Variants in EYS observed in about 807,000 individuals in gnomAD.
EYS encodes EGF-like photoreceptor maintenance factor, also known as protein eyes shut homolog.
Under a neutral mutation model 282.1 loss-of-function variants are expected in EYS, and 250 were observed. The observed-to-expected ratio is 0.89, with a 90% CI of 0.80 to 0.98. EYS has a LOEUF of 0.98. Among genes scored for constraint, EYS ranks in the 50% least tolerant of loss-of-function variants. The probability of loss-of-function intolerance (pLI) is 0.00; values close to 1 mark genes in which losing one functional copy is unlikely to be tolerated. For synonymous variants in EYS, 1,355 were observed against 1,282.9 expected (o/e 1.06, Z -1.20); for missense variants, 4,016 against 3,709.0 (o/e 1.08, Z -2.15).
intron 23 of EYS, among the ~76,000 whole-genome samples, chr6:64,625,109 T>C (rs947065441): frequency 5.3e-5 from 8 of 152,196 alleles, no homozygotes; most frequent in African/African-American, 1.9e-4. Context: ...CAAGGAAATT[T>C]AGGCATTGAA....
intron 22 of EYS, among the ~76,000 whole-genome samples, chr6:64,724,916 ATCTTTTC>A (rs149468248): frequency 0.039 from 5,982 of 152,200 alleles, 400 homozygotes; most frequent in African/African-American, 0.14. Context: ...TAATCTCAAA[ATCTTTTC>A]TAGTATACCC....
intron 29 of EYS, among the ~76,000 whole-genome samples, chr6:64,330,755 G>T (rs887807404): frequency 6.6e-6 from 1 of 152,104 alleles, no homozygotes; most frequent in East Asian, 1.9e-4. Flanking sequence ...TGGAGCAGAG[G>T]GGGTATCGCT....
chr6:64,632,835 A>T (rs1418647193), intron 22 of EYS, among the ~76,000 whole-genome samples: 1 of 152,102 alleles, frequency 6.6e-6, no homozygotes, highest in Non-Finnish European at 1.5e-5. Context: ...TCATTTCAGT[A>T]TTTTTATTAC....
chr6:64,872,747 G>C (rs940757024), intron 19 of EYS, among the ~76,000 whole-genome samples: 2 of 151,972 alleles, frequency 1.3e-5, no homozygotes, highest in Non-Finnish European at 1.5e-5. Flanking sequence ...TTATCTTAGA[G>C]TCTCAAAGGA....
At chr6:64,154,499 TTTTA>T (rs1159116509) in intron 31 of EYS, among the ~76,000 whole-genome samples, 1 of 151,968 alleles carries the variant, frequency 6.6e-6, no homozygotes, top group Non-Finnish European at 1.5e-5. Flanking sequence ...GTCTTTTATG[TTTTA>T]TTTTATATAC....
intron 37 of EYS, among the ~76,000 whole-genome samples, chr6:63,805,877 C>T (rs933642230): frequency 2.0e-5 from 3 of 152,194 alleles, no homozygotes; most frequent in Non-Finnish European, 2.9e-5. Flanking sequence ...TTCCGGAGGC[C>T]TCCCCAGCCA....
intron 15 of EYS, among the ~76,000 whole-genome samples, chr6:64,921,962 G>A (rs1418383187): frequency 6.6e-6 from 1 of 150,932 alleles, no homozygotes; most frequent in African/African-American, 2.4e-5. Context: ...TAAAAAACAA[G>A]AACAAAAATT....
intron 26 of EYS, among the ~76,000 whole-genome samples, chr6:64,528,840 T>G (rs1778006657): frequency 6.6e-6 from 1 of 152,012 alleles, no homozygotes; most frequent in Non-Finnish European, 1.5e-5. Flanking sequence ...TGTTACAGAT[T>G]TGGTGAAAAT....
chr6:63,788,443 C>T (rs767443739), intron 38 of EYS, among the ~76,000 whole-genome samples, 194 bp from the exon 39 acceptor site: 3 of 152,142 alleles, frequency 2.0e-5, no homozygotes, highest in Non-Finnish European at 2.9e-5. Flanking sequence ...ATTAATATAG[C>T]AGTCATGGTT....
intron 12 of EYS, among the ~76,000 whole-genome samples, chr6:65,232,967 T>G (rs769286089): frequency 6.6e-6 from 1 of 152,278 alleles, no homozygotes; most frequent in South Asian, 2.1e-4. Context: ...GTCAGTACTA[T>G]TAGTCTGCTC....
At chr6:64,460,281 G>A (rs1467762710) in intron 26 of EYS, among the ~76,000 whole-genome samples, 3 of 152,126 alleles carry the variant, frequency 2.0e-5, no homozygotes, top group Non-Finnish European at 2.9e-5. Flanking sequence ...ATGCTATAAT[G>A]ATTATCCATA....
At chr6:63,780,687 A>G (rs1231572883) in intron 39 of EYS, among the ~76,000 whole-genome samples, 1 of 152,128 alleles carries the variant, frequency 6.6e-6, no homozygotes, top group African/African-American at 2.4e-5. Flanking sequence ...ATTTTCTCCC[A>G]TTCTGTAGGT....
intron 29 of EYS, among the ~76,000 whole-genome samples, chr6:64,334,771 G>T (rs911404839): frequency 6.6e-6 from 1 of 152,148 alleles, no homozygotes; most frequent in African/African-American, 2.4e-5. Context: ...CTTACAAATT[G>T]ATGACAATGG....
At chr6:65,285,641 T>C (rs115762405) in intron 12 of EYS, among the ~76,000 whole-genome samples, 3,319 of 152,032 alleles carry the variant, frequency 0.022, 112 homozygotes, top group African/African-American at 0.076. Flanking sequence ...CAAAATAACA[T>C]TTTCAGATAA....
intron 22 of EYS, among the ~76,000 whole-genome samples, chr6:64,706,174 A>G (rs890050165): frequency 6.6e-6 from 1 of 152,160 alleles, no homozygotes; most frequent in Non-Finnish European, 1.5e-5. Context: ...CCAAATACTT[A>G]CAGCCAACTA....
At chr6:65,227,890 A>C in intron 12 of EYS, among the ~76,000 whole-genome samples, 1 of 152,152 alleles carries the variant, frequency 6.6e-6, no homozygotes, top group East Asian at 1.9e-4. Context: ...AGAAAATAGA[A>C]GAGTGGTTAC....
At chr6:64,384,533 A>C (rs1922952) in intron 29 of EYS, among the ~76,000 whole-genome samples, 105,136 of 151,868 alleles carry the variant, frequency 0.69, 36,390 homozygotes, top group South Asian at 0.71. Flanking sequence ...ATATTTATTT[A>C]TTTCCATAAT....
At chr6:64,289,516 T>A (rs1768624654) in intron 30 of EYS, among the ~76,000 whole-genome samples, 1 of 152,090 alleles carries the variant, frequency 6.6e-6, no homozygotes, top group Non-Finnish European at 1.5e-5. Flanking sequence ...TGAACGGTAT[T>A]TCAGATTCTA....
chr6:65,579,551 G>A (rs1210809426), intron 2 of EYS, among the ~76,000 whole-genome samples: 1 of 152,032 alleles, frequency 6.6e-6, no homozygotes, highest in African/African-American at 2.4e-5. Context: ...GTGCCAGCAC[G>A]GTGAGGTTCT....
Sources: allele counts gnomAD v4.1 joint callset (sites outside exome capture counted in the v4.1 genomes callset), GRCh38; gene constraint gnomAD v4.1.1; transcripts MANE v1.5; gene names NCBI Gene and HGNC (gene_info 2026-07-23, HGNC 2026-07-21).